Variants in SGCZ observed in about 807,000 individuals in gnomAD.
SGCZ encodes the protein sarcoglycan zeta, also known as zeta-sarcoglycan.
Under a neutral mutation model 41.3 loss-of-function variants are expected in SGCZ, and 40 were observed. That is an observed-to-expected ratio of 0.97 (90% CI 0.75 to 1.26). The LOEUF is 1.26. Among genes scored for constraint, SGCZ ranks in the 50% most tolerant of loss-of-function variants. SGCZ has a pLI of 0.00. For missense variants in SGCZ, 552 were observed against 369.8 expected (o/e 1.49, Z -4.04); for synonymous variants, 206 against 137.5 (o/e 1.50, Z -3.49).
intron 1 of SGCZ, among the ~76,000 whole-genome samples, chr8:14,588,570 T>A (rs73192370): frequency 6.6e-6 from 1 of 151,946 alleles, no homozygotes; most frequent in Non-Finnish European, 1.5e-5. Context: ...CATGAGCAAA[T>A]AGAATGTTTA....
intron 1 of SGCZ, among the ~76,000 whole-genome samples, chr8:14,576,476 G>C (rs1178529855): frequency 6.6e-6 from 1 of 152,140 alleles, no homozygotes; most frequent in African/African-American, 2.4e-5. Flanking sequence ...GGAGAAGTTA[G>C]CTAAGTTAAT....
chr8:14,245,306 C>G (rs958233861), intron 3 of SGCZ, among the ~76,000 whole-genome samples: 1 of 152,152 alleles, frequency 6.6e-6, no homozygotes, highest in African/African-American at 2.4e-5. Flanking sequence ...CTACAACTAT[C>G]TGATCTTTGA....
At chr8:14,637,583 TG>T in intron 1 of SGCZ, among the ~76,000 whole-genome samples, 1 of 151,726 alleles carries the variant, frequency 6.6e-6, no homozygotes, top group African/African-American at 2.4e-5. Context: ...TTGTTTTTTT[TG>T]TTCCTGCATT....
chr8:14,265,911 G>C (rs868077178), intron 3 of SGCZ, among the ~76,000 whole-genome samples: 1 of 151,786 alleles, frequency 6.6e-6, no homozygotes, highest in African/African-American at 2.4e-5. Flanking sequence ...TCAGGGAGAG[G>C]AGATTTGAAA....
chr8:15,046,857 T>C (rs1351148504), intron 1 of SGCZ, among the ~76,000 whole-genome samples: 1 of 152,032 alleles, frequency 6.6e-6, no homozygotes, highest in African/African-American at 2.4e-5. Flanking sequence ...GTAACTCTCT[T>C]CTTTAACAGT....
intron 3 of SGCZ, among the ~76,000 whole-genome samples, chr8:14,245,767 C>T (rs373645715): frequency 2.0e-5 from 3 of 152,086 alleles, no homozygotes; most frequent in East Asian, 3.9e-4. Flanking sequence ...ACAAACAACC[C>T]CATCAAAAAG....
At chr8:14,471,235 T>A (rs1027684253) in intron 2 of SGCZ, among the ~76,000 whole-genome samples, 2 of 152,178 alleles carry the variant, frequency 1.3e-5, no homozygotes, top group African/African-American at 4.8e-5. Context: ...ATCTGTGTCA[T>A]TGTAGAATGT....
At chr8:15,166,902 G>C (rs569069244) in intron 1 of SGCZ, among the ~76,000 whole-genome samples, 4 of 152,274 alleles carry the variant, frequency 2.6e-5, no homozygotes, top group Admixed American at 1.3e-4. Flanking sequence ...GATTCACAAA[G>C]AGCTGAAATG....
chr8:14,561,781 C>T (rs1804214280), intron 1 of SGCZ, among the ~76,000 whole-genome samples: 1 of 152,052 alleles, frequency 6.6e-6, no homozygotes, highest in African/African-American at 2.4e-5. Flanking sequence ...TGAAATTTCT[C>T]TACAAAGGAA....
At chr8:14,322,199 T>G (rs2117027487) in intron 3 of SGCZ, among the ~76,000 whole-genome samples, 1 of 152,264 alleles carries the variant, frequency 6.6e-6, no homozygotes, top group Admixed American at 6.5e-5. Flanking sequence ...CTATTTCTGT[T>G]CTTGCACCAG....
At chr8:14,398,139 A>G (rs986042666) in intron 2 of SGCZ, among the ~76,000 whole-genome samples, 9 of 152,146 alleles carry the variant, frequency 5.9e-5, no homozygotes, top group African/African-American at 1.9e-4. Flanking sequence ...GAAAAACAAA[A>G]GAGTGGAAGG....
chr8:14,397,083 C>G (rs7812328), intron 2 of SGCZ, among the ~76,000 whole-genome samples: 1 of 152,044 alleles, frequency 6.6e-6, no homozygotes, highest in African/African-American at 2.4e-5. Flanking sequence ...CTCAACGTTA[C>G]GTAAATTTTA....
In SGCZ at chr8:14,954,695, C is replaced by T. The variant is rs1449921417; in HGVS notation, c.39+282890G>A. Among the ~76,000 whole-genome samples the T allele has an allele frequency of 4.6e-5, 7 of 152,016 alleles. No homozygotes were observed. The East Asian group carries it at 9.7e-4, about 21-fold the overall frequency. On this transcript the variant is annotated intron_variant, in intron 1 of 7. Coordinates refer to ENST00000382080, the MANE Select transcript of SGCZ (RefSeq NM_139167.4). ...TTTCGGTTCCACAATCTGTAGGAAC[C>T]GAATCTTCCTAAAACCTCAGACTGT...
chr8:15,196,274 A>C (rs1177915823), intron 1 of SGCZ, among the ~76,000 whole-genome samples: 1 of 152,178 alleles, frequency 6.6e-6, no homozygotes, highest in Non-Finnish European at 1.5e-5. Flanking sequence ...AAATACAAAG[A>C]TGTAGTTCTT....
chr8:14,314,527 A>C (rs996187393), intron 3 of SGCZ, among the ~76,000 whole-genome samples: 23 of 152,312 alleles, frequency 1.5e-4, no homozygotes, highest in African/African-American at 5.5e-4. Context: ...ATTGCCATAT[A>C]CAAGACAATA....
chr8:14,412,758 G>A (rs1003476322), intron 2 of SGCZ, among the ~76,000 whole-genome samples: 14 of 151,856 alleles, frequency 9.2e-5, no homozygotes, highest in African/African-American at 3.4e-4. Context: ...CACTAATAAT[G>A]CGCACGTGAC....
chr8:14,889,731 AATATAG>A (rs1385766722), intron 1 of SGCZ, among the ~76,000 whole-genome samples: 1 of 152,060 alleles, frequency 6.6e-6, no homozygotes, highest in African/African-American at 2.4e-5. Context: ...AAATACACAA[AATATAG>A]ATATTTTGTG....
intron 2 of SGCZ, among the ~76,000 whole-genome samples, chr8:14,387,542 G>C (rs1264291252): frequency 6.6e-6 from 1 of 152,016 alleles, no homozygotes; most frequent in Non-Finnish European, 1.5e-5. Context: ...TTTAAATGTT[G>C]CAAGAGTTAT....
intron 1 of SGCZ, among the ~76,000 whole-genome samples, chr8:15,161,071 T>A (rs181613069): frequency 3.9e-5 from 6 of 152,216 alleles, no homozygotes; most frequent in Admixed American, 3.9e-4. Flanking sequence ...GATCTGAAGA[T>A]CTTGCAGTGG....
Sources: gnomAD v4.1 joint callset for allele counts (sites outside exome capture counted in the v4.1 genomes callset) on GRCh38, gnomAD v4.1.1 for gene constraint, MANE v1.5 for transcripts, NCBI Gene and HGNC (gene_info 2026-07-23, HGNC 2026-07-21) for gene names.